CTNNA2: variants seen among roughly 807,000 people sequenced by gnomAD.
CTNNA2 encodes catenin alpha-2.
CTNNA2 carries 42 observed loss-of-function variants against 101.0 expected under a neutral mutation model. The observed-to-expected ratio is 0.42, with a 90% CI of 0.32 to 0.54. CTNNA2 has a LOEUF of 0.54. Ranked by LOEUF, CTNNA2 falls within the 20% of genes least tolerant of loss-of-function variation. CTNNA2 has a pLI of 0.14. For missense variants in CTNNA2, 871 were observed against 1,223.1 expected, an observed-to-expected ratio of 0.71 and a Z score of 4.29; for synonymous variants, 450 against 456.4, an observed-to-expected ratio of 0.99 and a Z score of 0.18.
At chr2:79,905,394 C>G (rs572004342) in intron 6 of CTNNA2, among the ~76,000 whole-genome samples, 2 of 151,990 alleles carry the variant, frequency 1.3e-5, no homozygotes, top group East Asian at 3.9e-4. Flanking sequence ...TTAAGAATGC[C>G]GACAGGAGAT....
At chr2:80,639,349 A>G (rs1301657041) in intron 18 of CTNNA2, among the ~76,000 whole-genome samples, 2 of 152,142 alleles carry the variant, frequency 1.3e-5, no homozygotes, top group East Asian at 3.9e-4. Context: ...AGTTGGGATT[A>G]CAGGCACCTG....
At chr2:79,207,916 G>A (rs7609194) in intron 2 of CTNNA2, among the ~76,000 whole-genome samples, 1 of 152,146 alleles carries the variant, frequency 6.6e-6, no homozygotes, top group African/African-American at 2.4e-5. Flanking sequence ...AAAAATTTGA[G>A]TGGCAATGAG....
chr2:79,716,012 C>T (rs1475192715), intron 2 of CTNNA2, among the ~76,000 whole-genome samples: 1 of 149,896 alleles, frequency 6.7e-6, no homozygotes, highest in Non-Finnish European at 1.5e-5. Context: ...GCCAGTTAAT[C>T]GACTATAAGG....
At chr2:80,477,649 C>A (rs11682252) in intron 9 of CTNNA2, among the ~76,000 whole-genome samples, 1 of 151,588 alleles carries the variant, frequency 6.6e-6, no homozygotes, top group African/African-American at 2.4e-5. Context: ...TAGGATAATG[C>A]CCTCCAGGTC....
At chr2:80,161,251 G>T (rs954573041) in intron 7 of CTNNA2, among the ~76,000 whole-genome samples, 7 of 152,016 alleles carry the variant, frequency 4.6e-5, no homozygotes, top group Admixed American at 2.0e-4. Context: ...CCTAATTTCA[G>T]GTGATTCACC....
chr2:79,576,650 T>C (rs1418266434), intron 1 of CTNNA2, among the ~76,000 whole-genome samples: 1 of 152,130 alleles, frequency 6.6e-6, no homozygotes, highest in Non-Finnish European at 1.5e-5. Context: ...TGTTAGACGA[T>C]ATCACTCATT....
intron 7 of CTNNA2, among the ~76,000 whole-genome samples, chr2:79,984,277 G>T (rs1043093531): frequency 5.3e-5 from 8 of 152,118 alleles, no homozygotes; most frequent in African/African-American, 1.7e-4. Context: ...CCTAAGAAAG[G>T]ATTTTTTTCC....
intron 3 of CTNNA2, among the ~76,000 whole-genome samples, chr2:79,822,822 C>G (rs1338957712): frequency 6.6e-6 from 1 of 152,146 alleles, no homozygotes; most frequent in Non-Finnish European, 1.5e-5. Flanking sequence ...CGCTTAAAGA[C>G]AAAACTCCTG....
intron 7 of CTNNA2, among the ~76,000 whole-genome samples, chr2:80,194,264 C>T (rs1487118038): frequency 6.6e-6 from 1 of 152,128 alleles, no homozygotes; most frequent in Non-Finnish European, 1.5e-5. Flanking sequence ...AGGAAATACT[C>T]CCTGCACATG....
chr2:80,317,534 G>A (rs1449849089), intron 7 of CTNNA2, among the ~76,000 whole-genome samples: 2 of 152,096 alleles, frequency 1.3e-5, no homozygotes, highest in Non-Finnish European at 2.9e-5. Context: ...TTTTAACTCT[G>A]TAAAAGCCAA....
At chr2:80,480,146 A>G (rs1362599232) in intron 9 of CTNNA2, among the ~76,000 whole-genome samples, 1 of 152,088 alleles carries the variant, frequency 6.6e-6, no homozygotes, top group African/African-American at 2.4e-5. Flanking sequence ...GCATGTTAAT[A>G]TAATTTATAA....
intron 2 of CTNNA2, among the ~76,000 whole-genome samples, chr2:79,244,205 C>T (rs1030075059): frequency 3.9e-5 from 6 of 152,092 alleles, no homozygotes; most frequent in African/African-American, 1.4e-4. Flanking sequence ...TACATATTTT[C>T]TCATTTGATC....
At chr2:79,674,514 C>A (rs759058250) in intron 2 of CTNNA2, among the ~76,000 whole-genome samples, 16 of 152,072 alleles carry the variant, frequency 1.1e-4, no homozygotes, top group Non-Finnish European at 2.2e-4. Context: ...AATGGCATGA[C>A]CCCATCACTA....
intron 1 of CTNNA2, chr2:79,633,705 A>C (rs191636080): frequency 1.3e-5 from 2 of 152,344 alleles, no homozygotes; most frequent in Admixed American, 1.3e-4. Flanking sequence ...CAGCTAGTCA[A>C]AGGAAGCGTT....
chr2:80,579,925 T>C (rs780682609), intron 13 of CTNNA2, among the ~76,000 whole-genome samples: 1 of 152,222 alleles, frequency 6.6e-6, no homozygotes, highest in Non-Finnish European at 1.5e-5. Flanking sequence ...TGGTCTGCTC[T>C]TTTCTTTTGA....
chr2:79,796,840 T>G (rs570300736), intron 3 of CTNNA2, among the ~76,000 whole-genome samples: 3 of 152,318 alleles, frequency 2.0e-5, no homozygotes, highest in African/African-American at 7.2e-5. Flanking sequence ...GTCTTTATTA[T>G]GCATTCCTGC....
At chr2:79,646,365 G>A (rs763328508) in intron 1 of CTNNA2, among the ~76,000 whole-genome samples, 2 of 152,036 alleles carry the variant, frequency 1.3e-5, no homozygotes, top group African/African-American at 4.8e-5. Context: ...TTTCTGTCAG[G>A]TTTTGTATTT....
chr2:79,265,893 T>G (rs1316103513), intron 2 of CTNNA2, among the ~76,000 whole-genome samples: 1 of 152,138 alleles, frequency 6.6e-6, no homozygotes, highest in Non-Finnish European at 1.5e-5. Flanking sequence ...GTGGGAGTAG[T>G]TCTTAGATAA....
At chr2:79,415,877 T>A (rs999015464) in intron 4 of CTNNA2, among the ~76,000 whole-genome samples, 1 of 152,136 alleles carries the variant, frequency 6.6e-6, no homozygotes, top group Non-Finnish European at 1.5e-5. Flanking sequence ...AGTCTTACAA[T>A]TGGGGAAGTT....
Sources: allele counts gnomAD v4.1 joint callset (sites outside exome capture counted in the v4.1 genomes callset), GRCh38; gene constraint gnomAD v4.1.1; transcripts MANE v1.5; gene names NCBI Gene and HGNC (gene_info 2026-07-23, HGNC 2026-07-21).